The following NUDCD3 variants were observed in gnomAD, a reference collection of about 807,000 sequenced individuals.
NUDCD3 encodes the protein NudC domain containing 3.
A neutral mutation model predicts 39.7 loss-of-function variants in NUDCD3; 13 were observed. That is an observed-to-expected ratio of 0.33 (90% CI 0.21 to 0.52). NUDCD3 has a LOEUF of 0.52. NUDCD3 is among the 20% of genes least tolerant of loss of function. The probability of loss-of-function intolerance (pLI) is 0.96; values close to 1 mark genes in which losing one functional copy is unlikely to be tolerated. For synonymous variants in NUDCD3, 175 were observed against 172.4 expected (o/e 1.02, Z -0.12); for missense variants, 453 against 458.1 (o/e 0.99, Z 0.10).
At chr7:44,427,421 G>T in intron 3 of NUDCD3, 150 bp downstream of exon 3, 1 of 818,058 alleles carries the variant, frequency 1.2e-6, no homozygotes, top group Non-Finnish European at 1.9e-6. Flanking sequence ...AGGATGGTGT[G>T]CTCAGCTCAT....
intron 2 of NUDCD3, among the ~76,000 whole-genome samples, chr7:44,449,736 A>G (rs1311858348): frequency 6.6e-6 from 1 of 152,190 alleles, no homozygotes; most frequent in East Asian, 1.9e-4. Flanking sequence ...AATGAATCAC[A>G]GACCTAAATA....
chr7:44,489,945 C>T (rs2116992134), intron 1 of NUDCD3: 1 of 155,098 alleles, frequency 6.4e-6, no homozygotes, highest in South Asian at 1.9e-4. Flanking sequence ...ATAAGCACTA[C>T]ATTGACAGTC....
At position 44,380,175 on chromosome 7, in the gene NUDCD3, C is replaced by T. The variant is rs1383615669; in HGVS notation, c.*5836G>A. On this transcript the variant is annotated 3_prime_UTR_variant, in exon 6 of 6. Transcript: ENST00000355451. ...ACCTGGCTGGTCAGGCCAGGGAGGA[C>T]AAGCTGTGGACCTAACAGGTGACCA... 1 of 152,226 alleles carries T rather than the reference C, an allele frequency of 6.6e-6. No individual in the cohort carries two copies. 9.4% of individuals were successfully genotyped at this position (152,226 alleles called of 1,614,324 possible).
In NUDCD3 at chr7:44,485,015, T is replaced by C. The variant is rs1027652041; in HGVS notation, c.462A>G (p.Ala154=). 1.9e-6 allele frequency: 3 copies of C among 1,614,022 alleles called. No homozygotes were observed. Among genetic ancestry groups the C allele is most frequent in the East Asian group, 4.5e-5 (2 of 44,894 alleles). ...TAGGGACTTCAGCAGCACCAGCAAC[T>C]GCTCCTGGAGCTTCTGCCTCCTGTG... ...HGSQEAEAPG[A]VAGAAEVPRE... The change falls in exon 2 of 6, where the codon GCA becomes GCG. Residue 154 remains alanine, a synonymous_variant. Coordinates refer to ENST00000355451, the MANE Select transcript of NUDCD3 (RefSeq NM_015332.4).
chr7:44,405,220 CA>C (rs1437982234), intron 3 of NUDCD3, among the ~76,000 whole-genome samples: 6 of 152,204 alleles, frequency 3.9e-5, no homozygotes, highest in African/African-American at 1.4e-4. Context: ...TGGTTCTTTA[CA>C]AAACCAAGCC....
chr7:44,405,212 G>A (rs1029114063), intron 3 of NUDCD3, among the ~76,000 whole-genome samples: 2 of 152,120 alleles, frequency 1.3e-5, no homozygotes, highest in African/African-American at 4.8e-5. Flanking sequence ...TTTTGTCTTG[G>A]TTCTTTACAA....
chr7:44,462,297 T>G (rs142468508), intron 2 of NUDCD3, among the ~76,000 whole-genome samples: 1 of 152,232 alleles, frequency 6.6e-6, no homozygotes, highest in African/African-American at 2.4e-5. Flanking sequence ...TGAATTGCTA[T>G]GAAATTTTAT....
At chr7:44,403,076 G>A (rs1229579104) in intron 4 of NUDCD3, among the ~76,000 whole-genome samples, 1 of 152,242 alleles carries the variant, frequency 6.6e-6, no homozygotes, top group Non-Finnish European at 1.5e-5. Context: ...ATGAGGAACT[G>A]AACTGCTGGG....
At chr7:44,468,349 C>CAAAAAAAAAAAA (rs77181470) in intron 2 of NUDCD3, 8 of 381,098 alleles carry the variant, frequency 2.1e-5, no homozygotes, top group South Asian at 7.7e-5. Context: ...GTAAAAACTG[C>CAAAAAAAAAAAA]AAAAAAAAAA....
intron 2 of NUDCD3, among the ~76,000 whole-genome samples, chr7:44,444,299 C>T (rs1372673398): frequency 1.3e-5 from 2 of 152,142 alleles, no homozygotes; most frequent in Non-Finnish European, 2.9e-5. Flanking sequence ...AGTAAAGCAG[C>T]CCCTCTGCCC....
intron 2 of NUDCD3, among the ~76,000 whole-genome samples, chr7:44,455,015 C>A (rs1353468949): frequency 6.6e-6 from 1 of 151,982 alleles, no homozygotes; most frequent in Non-Finnish European, 1.5e-5. Context: ...TTGCTTTCTT[C>A]TTTATCTTGT....
chr7:44,392,536 C>A (rs777797480), intron 4 of NUDCD3, 51 bp from the exon 5 acceptor site: 2 of 1,553,258 alleles, frequency 1.3e-6, no homozygotes, highest in Admixed American at 1.7e-5. Flanking sequence ...GACAGGTGTC[C>A]AGGGCTGGGG....
At chr7:44,413,096 C>G in intron 3 of NUDCD3, 1 of 151,986 alleles carries the variant, frequency 6.6e-6, no homozygotes. Flanking sequence ...CTATCTAATC[C>G]TGATTCAAAT....
At chr7:44,466,565 T>C (rs1800123240) in intron 2 of NUDCD3, among the ~76,000 whole-genome samples, 1 of 152,156 alleles carries the variant, frequency 6.6e-6, no homozygotes, top group South Asian at 2.1e-4. Flanking sequence ...AGCCATGTGG[T>C]TCTGGGCTCA....
At chr7:44,391,831 C>T (rs963629917) in intron 5 of NUDCD3, among the ~76,000 whole-genome samples, 1 of 152,314 alleles carries the variant, frequency 6.6e-6, no homozygotes, top group African/African-American at 2.4e-5. Context: ...TCTCTTCCTC[C>T]TCCCTAACCC....
At chr7:44,397,307 CAGGT>C (rs1798642819) in intron 4 of NUDCD3, among the ~76,000 whole-genome samples, 1 of 152,220 alleles carries the variant, frequency 6.6e-6, no homozygotes, top group South Asian at 2.1e-4. Context: ...GTTTTGCAAT[CAGGT>C]AGAGAGCTGC....
At chr7:44,417,703 G>T (rs1465084468) in intron 3 of NUDCD3, among the ~76,000 whole-genome samples, 1 of 152,164 alleles carries the variant, frequency 6.6e-6, no homozygotes, top group East Asian at 1.9e-4. Flanking sequence ...CAAAATTCTG[G>T]ATAAACTACT....
chr7:44,467,890 C>A (rs769381245), intron 2 of NUDCD3: 1 of 1,601,786 alleles, frequency 6.2e-7, no homozygotes, highest in South Asian at 1.1e-5. Flanking sequence ...ATCTCCTCCT[C>A]GGCATCATGG....
At chr7:44,454,297 C>G (rs189220416) in intron 2 of NUDCD3, among the ~76,000 whole-genome samples, 53 of 152,234 alleles carry the variant, frequency 3.5e-4, no homozygotes, top group Admixed American at 3.4e-3. Flanking sequence ...TGAGATCGAG[C>G]CACTGCACTC....
Sources: gnomAD v4.1 joint callset for allele counts (sites outside exome capture counted in the v4.1 genomes callset) on GRCh38, gnomAD v4.1.1 for gene constraint, MANE v1.5 for transcripts, NCBI Gene and HGNC (gene_info 2026-07-23, HGNC 2026-07-21) for gene names.